The following ZFPM2 variants were observed in gnomAD, a reference collection of about 807,000 sequenced individuals.
ZFPM2 encodes the protein zinc finger protein ZFPM2.
In ZFPM2, 20 loss-of-function variants were observed where a neutral mutation model predicts 98.6. The ratio of observed to expected loss-of-function variants is 0.20; its 90% CI spans 0.14 to 0.29. ZFPM2 has a LOEUF of 0.29. Among genes scored for constraint, ZFPM2 ranks in the 10% least tolerant of loss-of-function variants. ZFPM2 has a pLI of 1.00. For missense variants in ZFPM2, 1,310 were observed against 1,388.6 expected, an observed-to-expected ratio of 0.94 and a Z score of 0.90; for synonymous variants, 518 against 502.7, an observed-to-expected ratio of 1.03 and a Z score of -0.41.
intron 5 of ZFPM2, among the ~76,000 whole-genome samples, chr8:105,707,359 A>G (rs2130968387): frequency 6.6e-6 from 1 of 152,322 alleles, no homozygotes; most frequent in East Asian, 1.9e-4. Flanking sequence ...GTACCATACT[A>G]AATGGGACAA....
intron 5 of ZFPM2, among the ~76,000 whole-genome samples, chr8:105,673,215 G>A (rs545230294): frequency 8.8e-4 from 66 of 74,948 alleles, no homozygotes; most frequent in African/African-American, 3.9e-3. Flanking sequence ...TTTACCGATC[G>A]TACTTACTTA....
intron 3 of ZFPM2, among the ~76,000 whole-genome samples, chr8:105,533,948 T>C (rs796125087): frequency 8.9e-3 from 37 of 4,146 alleles, no homozygotes; most frequent in African/African-American, 0.043. Flanking sequence ...CCCTTCCTTC[T>C]TTCCTTCCTC....
intron 5 of ZFPM2, among the ~76,000 whole-genome samples, chr8:105,746,441 T>C: frequency 6.6e-6 from 1 of 152,128 alleles, no homozygotes; most frequent in Admixed American, 6.6e-5. Flanking sequence ...CTAGTGGGTA[T>C]TCCCTGTTGC....
chr8:105,667,795 A>G (rs1817518017), intron 5 of ZFPM2, among the ~76,000 whole-genome samples: 1 of 152,206 alleles, frequency 6.6e-6, no homozygotes. Flanking sequence ...AAAGATAGTT[A>G]TTTTTATAAA....
chr8:105,691,317 C>T (rs1810875847), intron 5 of ZFPM2, among the ~76,000 whole-genome samples: 2 of 112,304 alleles, frequency 1.8e-5, no homozygotes, highest in African/African-American at 3.8e-5. Flanking sequence ...GGCGGGATCT[C>T]GGCTCACTGC....
intron 4 of ZFPM2, among the ~76,000 whole-genome samples, chr8:105,591,213 A>G (rs1035940744): frequency 6.6e-6 from 1 of 151,974 alleles, no homozygotes; most frequent in African/African-American, 2.4e-5. Context: ...TTATATAATC[A>G]TGAGATTAAA....
At chr8:105,706,605 A>G (rs1811269273) in intron 5 of ZFPM2, among the ~76,000 whole-genome samples, 1 of 152,024 alleles carries the variant, frequency 6.6e-6, no homozygotes, top group Non-Finnish European at 1.5e-5. Context: ...TTTTGGAAAT[A>G]GAGTCTCACT....
chr8:105,584,734 A>G (rs1408729130), intron 4 of ZFPM2, among the ~76,000 whole-genome samples: 1 of 152,218 alleles, frequency 6.6e-6, no homozygotes, highest in Non-Finnish European at 1.5e-5. Flanking sequence ...ATAAAGCACC[A>G]GGGAAACTAG....
At chr8:105,687,290 G>T in intron 5 of ZFPM2, among the ~76,000 whole-genome samples, 1 of 152,030 alleles carries the variant, frequency 6.6e-6, no homozygotes, top group Non-Finnish European at 1.5e-5. Flanking sequence ...ACATATTGGG[G>T]TCCATTTTTT....
intron 1 of ZFPM2, among the ~76,000 whole-genome samples, chr8:105,372,209 A>AT (rs759308592): frequency 9.6e-4 from 145 of 151,790 alleles, no homozygotes; most frequent in South Asian, 2.5e-3. Context: ...GGCCTGGCTA[A>AT]TTTTTTGTAT....
At chr8:105,494,002 C>A (rs1377340830) in intron 3 of ZFPM2, among the ~76,000 whole-genome samples, 2 of 151,298 alleles carry the variant, frequency 1.3e-5, no homozygotes, top group Non-Finnish European at 2.9e-5. Flanking sequence ...TGGGGTTGGC[C>A]TTCTCTTTCC....
rs573088300 is a variant in ZFPM2 at position 105,376,259 on chromosome 8, C to T, written c.41-42885C>T. 5.3e-4 allele frequency among the ~76,000 whole-genome samples: 81 copies of T among 152,272 alleles called. 1 individual carries two copies. In the South Asian group the frequency reaches 0.017, roughly 32 times the overall value. ...GACATCACACTCTCTTAGTTTTCTT[C>T]CCATTTGAATGGCTACTTCTCAGTT... On this transcript the variant is annotated intron_variant, in intron 1 of 7. Transcript: ENST00000407775.
intron 1 of ZFPM2, among the ~76,000 whole-genome samples, chr8:105,381,683 C>G (rs1810892733): frequency 6.6e-6 from 1 of 152,072 alleles, no homozygotes; most frequent in African/African-American, 2.4e-5. Flanking sequence ...AGCTTAAAGA[C>G]TATCAAGTGT....
chr8:105,510,604 TG>T (rs1813798598), intron 3 of ZFPM2, among the ~76,000 whole-genome samples: 1 of 152,158 alleles, frequency 6.6e-6, no homozygotes, highest in African/African-American at 2.4e-5. Context: ...TAAAGGTCTC[TG>T]GGTGAAATGG....
chr8:105,512,671 A>G (rs113004332), intron 3 of ZFPM2, among the ~76,000 whole-genome samples: 1 of 152,180 alleles, frequency 6.6e-6, no homozygotes, highest in Non-Finnish European at 1.5e-5. Context: ...AAGCCCTTAA[A>G]AATTTCAATG....
chr8:105,789,999 G>A (rs1401804726), intron 6 of ZFPM2, among the ~76,000 whole-genome samples: 1 of 151,902 alleles, frequency 6.6e-6, no homozygotes, highest in Non-Finnish European at 1.5e-5. Context: ...TTTGTCAGAT[G>A]AGTAGCTTGC....
chr8:105,644,297 T>TAAAA (rs58170875), intron 5 of ZFPM2, among the ~76,000 whole-genome samples: 206 of 145,578 alleles, frequency 1.4e-3, no homozygotes, highest in African/African-American at 3.6e-3. Context: ...TTTTTTTTTT[T>TAAAA]AAAAAAAAAA....
intron 3 of ZFPM2, among the ~76,000 whole-genome samples, chr8:105,458,982 C>A (rs4734866): frequency 0.64 from 97,222 of 151,974 alleles, 31,115 homozygotes; most frequent in East Asian, 0.78. Flanking sequence ...ACTTTAAAGA[C>A]ATTATTCTCA....
chr8:105,546,199 G>A (rs117044043), intron 3 of ZFPM2, among the ~76,000 whole-genome samples: 2,269 of 152,160 alleles, frequency 0.015, 24 homozygotes, highest in East Asian at 0.062. Context: ...GGCTAATTGC[G>A]ATTATCAAGC....
Sources: gnomAD v4.1 joint callset for allele counts (sites outside exome capture counted in the v4.1 genomes callset) on GRCh38, gnomAD v4.1.1 for gene constraint, MANE v1.5 for transcripts, NCBI Gene and HGNC (gene_info 2026-07-23, HGNC 2026-07-21) for gene names.